SH3RF3: variants seen among roughly 807,000 people sequenced by gnomAD.
SH3RF3 encodes the protein SH3 domain containing ring finger 3.
SH3RF3 carries 29 observed loss-of-function variants against 66.3 expected under a neutral mutation model. The observed-to-expected ratio is 0.44, with a 90% CI of 0.33 to 0.60. SH3RF3 has a LOEUF of 0.60. Ranked by LOEUF, SH3RF3 falls within the 20% of genes least tolerant of loss-of-function variation. The pLI is 0.04. For missense variants in SH3RF3, 1,194 were observed against 1,190.9 expected (o/e 1.00, Z -0.04); for synonymous variants, 583 against 532.0 (o/e 1.10, Z -1.32).
chr2:109,202,316 A>G (rs1678694780), intron 1 of SH3RF3, among the ~76,000 whole-genome samples: 2 of 152,140 alleles, frequency 1.3e-5, no homozygotes, highest in South Asian at 2.1e-4. Context: ...GGAGCGATGG[A>G]TAATGAAACT....
intron 1 of SH3RF3, among the ~76,000 whole-genome samples, chr2:109,179,764 C>T (rs1003587836): frequency 2.0e-5 from 3 of 152,146 alleles, no homozygotes; most frequent in Non-Finnish European, 4.4e-5. Context: ...CTCAAGATGC[C>T]ATCAACATAT....
intron 1 of SH3RF3, among the ~76,000 whole-genome samples, chr2:109,276,186 A>G (rs1226911764): frequency 6.6e-6 from 1 of 152,196 alleles, no homozygotes; most frequent in Non-Finnish European, 1.5e-5. Context: ...GACCTGAGAA[A>G]ACACCAGCGT....
rs572531430 is a variant in SH3RF3 at position 109,474,717 on chromosome 2, C to A, written c.2149-15888C>A. Among the ~76,000 whole-genome samples, 283 of 152,332 alleles carry A rather than the reference C, an allele frequency of 1.9e-3. 1 individual carries two copies. The highest frequency in any genetic ancestry group is 2.9e-3 in the Admixed American group (45 of 15,304). On this transcript the variant is annotated intron_variant, in intron 8 of 9. Transcript: ENST00000309415. ...CCAAAGCATCGCAGATACTTCACCA[C>A]CATCACAGGAAACAGTGGGGCAGAG...
intron 9 of SH3RF3, 117 bp downstream of exon 9, chr2:109,491,053 A>C: frequency 1.0e-6 from 1 of 965,632 alleles, no homozygotes; most frequent in Non-Finnish European, 1.4e-6. Flanking sequence ...TACCAGATGT[A>C]CCTCAACACC....
At chr2:109,137,543 T>G (rs1056379824) in intron 1 of SH3RF3, among the ~76,000 whole-genome samples, 1 of 152,228 alleles carries the variant, frequency 6.6e-6, no homozygotes, top group African/African-American at 2.4e-5. Flanking sequence ...CTTTTAATTT[T>G]TTGTTGGCCA....
chr2:109,494,002 G>A (rs150746124), intron 9 of SH3RF3, among the ~76,000 whole-genome samples: 4 of 152,250 alleles, frequency 2.6e-5, no homozygotes, highest in Admixed American at 6.5e-5. Flanking sequence ...TGTGTTTTCC[G>A]GATGGGTCCT....
In SH3RF3 at chr2:109,490,889, G is replaced by C. The variant is rs969071643; in HGVS notation, c.2433G>C (p.Leu811=). 7.2e-6 allele frequency: 11 copies of C among 1,527,414 alleles called. No individual in the cohort carries two copies. Among genetic ancestry groups the C allele is most frequent in the Middle Eastern group, 1.7e-4 (1 of 5,974 alleles). The allele number at this position is 1,527,414 out of a possible 1,614,324, so 94.6% of individuals were successfully genotyped here. A position where few individuals can be genotyped will look rare whatever the true frequency, so the allele number is the denominator to read the frequency against. ...CATCTCCTTCCCGGCAAGCTCCGCT[G>C]TCCATGGCTGCCATCCGCCCCGAGC... ...NFTSPSRQAP[L]SMAAIRPEPK... The change falls in exon 9 of 10, where the codon CTG becomes CTC. Residue 811 remains leucine (L), a synonymous_variant. Transcript: ENST00000309415.
chr2:109,408,436 C>G (rs1676503196), intron 4 of SH3RF3, among the ~76,000 whole-genome samples: 3 of 152,226 alleles, frequency 2.0e-5, no homozygotes, highest in Admixed American at 6.5e-5. Flanking sequence ...CCCTCCCGCT[C>G]CAGGCTAAAC....
intron 1 of SH3RF3, chr2:109,313,435 G>C (rs1681783271): frequency 6.5e-6 from 1 of 153,616 alleles, no homozygotes; most frequent in African/African-American, 2.4e-5. Flanking sequence ...ATGGATACAA[G>C]GCCAGGCCTC....
At chr2:109,300,147 G>C (rs1166959984) in intron 1 of SH3RF3, among the ~76,000 whole-genome samples, 7 of 152,132 alleles carry the variant, frequency 4.6e-5, no homozygotes, top group Non-Finnish European at 7.3e-5. Flanking sequence ...TGCACACACA[G>C]GGATGGGAAG....
intron 1 of SH3RF3, among the ~76,000 whole-genome samples, chr2:109,338,916 A>G (rs12473055): frequency 0.15 from 17,421 of 112,660 alleles, 1,215 homozygotes; most frequent in East Asian, 0.39. Context: ...CTTACTGATA[A>G]CACAAACAGT....
intron 1 of SH3RF3, among the ~76,000 whole-genome samples, chr2:109,290,944 T>G (rs1336492630): frequency 6.6e-6 from 1 of 152,266 alleles, no homozygotes; most frequent in Non-Finnish European, 1.5e-5. Context: ...TTTACTGTTT[T>G]CCTGGGGTGC....
At chr2:109,285,863 A>G (rs1359814825) in intron 1 of SH3RF3, among the ~76,000 whole-genome samples, 1 of 151,350 alleles carries the variant, frequency 6.6e-6, no homozygotes, top group Admixed American at 6.6e-5. Flanking sequence ...AAGCCTGACC[A>G]CTCCCTTCCT....
chr2:109,180,439 G>T (rs956457445), intron 1 of SH3RF3, among the ~76,000 whole-genome samples: 1 of 152,166 alleles, frequency 6.6e-6, no homozygotes, highest in Admixed American at 6.5e-5. Context: ...CTCCTCAGGG[G>T]TCAGGTGACT....
At chr2:109,459,435 T>C (rs1201702705) in intron 8 of SH3RF3, among the ~76,000 whole-genome samples, 5 of 152,146 alleles carry the variant, frequency 3.3e-5, no homozygotes, top group African/African-American at 4.8e-5. Context: ...CAAACCTTCA[T>C]TCCTGAAGGG....
intron 5 of SH3RF3, among the ~76,000 whole-genome samples, chr2:109,427,452 C>T (rs1232027078): frequency 6.6e-6 from 1 of 152,120 alleles, no homozygotes; most frequent in Non-Finnish European, 1.5e-5. Flanking sequence ...CACGAGTATC[C>T]CACAGGTATG....
chr2:109,427,346 A>C (rs1224022701), intron 5 of SH3RF3, among the ~76,000 whole-genome samples: 1 of 152,248 alleles, frequency 6.6e-6, no homozygotes, highest in Non-Finnish European at 1.5e-5. Context: ...GCTACTGTAT[A>C]GTATAAATAT....
chr2:109,278,010 CAAAAAAA>C (rs58675048), intron 1 of SH3RF3, among the ~76,000 whole-genome samples: 1,185 of 81,336 alleles, frequency 0.015, 10 homozygotes, highest in East Asian at 0.065. Context: ...CTGTCTCTAA[CAAAAAAA>C]AAAAAAAAAA....
rs555363676 is a variant in SH3RF3 at position 109,321,224 on chromosome 2, C to A, written c.574-26450C>A. On this transcript the variant is annotated intron_variant, in intron 1 of 9. Coordinates refer to ENST00000309415, the MANE Select transcript of SH3RF3 (RefSeq NM_001099289.3). ...ATGCAGTCAGTAATAGAACTCAAAC[C>A]TTATATCCTCGGATTCACTTTTAAT... 5.9e-5 allele frequency among the ~76,000 whole-genome samples: 9 copies of A among 152,322 alleles called. No individual in the cohort carries two copies. The East Asian group carries it at 1.7e-3, about 29-fold the overall frequency.
Sources: allele counts gnomAD v4.1 joint callset (sites outside exome capture counted in the v4.1 genomes callset), GRCh38; gene constraint gnomAD v4.1.1; transcripts MANE v1.5; gene names NCBI Gene and HGNC (gene_info 2026-07-23, HGNC 2026-07-21).